The following CPLANE1 variants were observed in gnomAD, a reference collection of about 807,000 sequenced individuals.
The protein encoded by CPLANE1 is ciliogenesis and planar polarity effector 1.
In CPLANE1, 263 loss-of-function variants were observed where a neutral mutation model predicts 362.5. That is an observed-to-expected ratio of 0.73 (90% CI 0.66 to 0.80). The LOEUF is 0.80. CPLANE1 is among the 30% of genes least tolerant of loss of function. The pLI is 0.00. For missense variants in CPLANE1, 3,461 were observed against 3,793.4 expected, an observed-to-expected ratio of 0.91 and a Z score of 2.30; for synonymous variants, 1,212 against 1,302.6, an observed-to-expected ratio of 0.93 and a Z score of 1.50.
chr5:37,137,880 G>A (rs1768231513), intron 46 of CPLANE1, among the ~76,000 whole-genome samples: 1 of 151,870 alleles, frequency 6.6e-6, no homozygotes, highest in South Asian at 2.1e-4. Flanking sequence ...AGATTTGGAT[G>A]GGGACACAGC....
chr5:37,239,930 G>T, intron 6 of CPLANE1, 61 bp from the exon 7 acceptor site: 1 of 1,195,742 alleles, frequency 8.4e-7, no homozygotes, highest in Non-Finnish European at 1.1e-6. Flanking sequence ...TTTATATGTA[G>T]TTCATTACAA....
intron 29 of CPLANE1, among the ~76,000 whole-genome samples, chr5:37,178,614 GA>G (rs1209110424): frequency 1.5e-4 from 20 of 132,952 alleles, no homozygotes; most frequent in Admixed American, 3.1e-4. Flanking sequence ...CCCTCATCTC[GA>G]AAAAAAAAAA....
chr5:37,247,862 A>G (rs1740290444), intron 1 of CPLANE1, 117 bp from the exon 2 acceptor site: 1 of 660,526 alleles, frequency 1.5e-6, no homozygotes, highest in Non-Finnish European at 2.3e-6. Flanking sequence ...CAGTGATATG[A>G]TCTCAGCTCA....
chr5:37,142,236 C>T, intron 44 of CPLANE1, 74 bp downstream of exon 44: 2 of 1,368,580 alleles, frequency 1.5e-6, no homozygotes, highest in Admixed American at 2.9e-5. Flanking sequence ...TAACTATATT[C>T]CCAGTAAATC....
At chr5:37,224,986 C>T (rs761444658) in intron 12 of CPLANE1, among the ~76,000 whole-genome samples, 54 of 146,622 alleles carry the variant, frequency 3.7e-4, no homozygotes, top group Admixed American at 8.2e-4. Flanking sequence ...GGTCTCACTA[C>T]GTTGCCCAGA....
chr5:37,207,436 C>A (rs567316995), intron 16 of CPLANE1, among the ~76,000 whole-genome samples: 2 of 152,170 alleles, frequency 1.3e-5, no homozygotes. Context: ...TTATTCACTA[C>A]GAGCAAGGTA....
At chr5:37,184,698 G>T in intron 25 of CPLANE1, 90 bp downstream of exon 25, 1 of 1,075,302 alleles carries the variant, frequency 9.3e-7, no homozygotes, top group Non-Finnish European at 1.4e-6. Flanking sequence ...ATCAGTGAGG[G>T]TTGCTGGGAC....
Position 37,148,287 on chromosome 5 carries a change from C to A in CPLANE1, c.8374-19G>T, listed in dbSNP as rs567800663. Reference sequence around the variant, plus strand: ...GTCCAATCTGTAGAAAAAACACACACAACAAAACAACAGTAATACTTTGAT... The same window carrying A: ...GTCCAATCTGTAGAAAAAACACACAAAACAAAACAACAGTAATACTTTGAT... On this transcript the variant is annotated intron_variant, in intron 42 of 52. Transcript: ENST00000651892. The A allele has an allele frequency of 8.1e-6, 12 of 1,489,472 alleles. No individual in the cohort carries two copies. The highest frequency in any genetic ancestry group is 5.9e-5 in the South Asian group (5 of 84,754). 92.3% of individuals were successfully genotyped at this position (1,489,472 alleles called of 1,614,324 possible).
chr5:37,132,337 G>GTTTTTTTTTTTTTTTTTTTT (rs70976278), intron 46 of CPLANE1, among the ~76,000 whole-genome samples: 1 of 77,776 alleles, frequency 1.3e-5, no homozygotes, highest in Admixed American at 1.8e-4. Context: ...GATTGTTCAA[G>GTTTTTTTTTTTTTTTTTTTT]TTTTTTTTTT....
intron 47 of CPLANE1, among the ~76,000 whole-genome samples, chr5:37,124,719 AT>A (rs541635159): frequency 2.7e-4 from 40 of 147,772 alleles, no homozygotes; most frequent in Middle Eastern, 3.5e-3. Flanking sequence ...CACCTGGCTA[AT>A]TTTTTTTTTT....
chr5:37,114,168 A>G (rs187100615), intron 51 of CPLANE1, among the ~76,000 whole-genome samples: 9 of 152,280 alleles, frequency 5.9e-5, no homozygotes, highest in East Asian at 1.9e-4. Context: ...TTTTCTTTCA[A>G]TGGGGATAAC....
rs1394652636 is a variant in CPLANE1, at chr5:37,183,304, T to C, written c.4877A>G (p.Tyr1626Cys). ...TAAAGAGGATGATTTTTCTGATTCA[T>C]AGGACTCAGGAGCAACAACAAAGCA... ...GSCFVVAPES[Y>C]ESEKSSSLND... is the part of the protein sequence containing the mutation. Residue 1626 changes from tyrosine to cysteine, a missense_variant, in exon 26 of 53, where the codon TAT becomes TGT. By Grantham distance (194) the Tyr-to-Cys change is radical. Transcript: ENST00000651892. The C allele has an allele frequency of 5.0e-6, 8 of 1,613,296 alleles. No individual in the cohort carries two copies. The highest frequency in any genetic ancestry group is 1.1e-5 in the South Asian group (1 of 90,850).
intron 14 of CPLANE1, among the ~76,000 whole-genome samples, chr5:37,223,559 A>T (rs1232763272): frequency 6.6e-6 from 1 of 152,222 alleles, no homozygotes; most frequent in African/African-American, 2.4e-5. Context: ...ACCACGTAGG[A>T]GTTGCAGTCA....
At chr5:37,108,504 G>T in intron 51 of CPLANE1, 33 bp from the exon 52 acceptor site, 1 of 1,553,712 alleles carries the variant, frequency 6.4e-7, no homozygotes, top group Non-Finnish European at 8.7e-7. Context: ...CACACATTGG[G>T]ATTGATTCAT....
chr5:37,106,039 T>C (rs1463119646), downstream of CPLANE1, among the ~76,000 whole-genome samples: 1 of 152,116 alleles, frequency 6.6e-6, no homozygotes, highest in African/African-American at 2.4e-5. Context: ...CAGCAAAAGA[T>C]GGAAAATAAA....
intron 51 of CPLANE1, among the ~76,000 whole-genome samples, chr5:37,113,881 C>T (rs1016897061): frequency 1.3e-5 from 2 of 152,114 alleles, no homozygotes; most frequent in African/African-American, 2.4e-5. Flanking sequence ...GGTGCAATTT[C>T]GGCTCACTGC....
chr5:37,155,116 T>C (rs1039389157), intron 41 of CPLANE1, among the ~76,000 whole-genome samples: 1 of 152,222 alleles, frequency 6.6e-6, no homozygotes, highest in Non-Finnish European at 1.5e-5. Flanking sequence ...ATCTGTAATT[T>C]ATCTCTAGCC....
In CPLANE1 at chr5:37,157,434, A is replaced by G. The variant is rs1775442305; in HGVS notation, c.8012-14T>C. 4.0e-6 allele frequency: 6 copies of G among 1,492,208 alleles called. No individual in the cohort carries two copies. The highest frequency in any genetic ancestry group is 1.8e-4 in the Middle Eastern group (1 of 5,626). 92.4% of individuals were successfully genotyped at this position (1,492,208 alleles called of 1,614,324 possible). On this transcript the variant is annotated splice_polypyrimidine_tract_variant and intron_variant, in intron 40 of 52. Transcript: ENST00000651892. Reference sequence around the variant, plus strand: ...CTGGAGTTACTTCTGCAGGTTTAGAAAATAAATCCATAGAGGAATTGGCTG... The same window carrying G: ...CTGGAGTTACTTCTGCAGGTTTAGAGAATAAATCCATAGAGGAATTGGCTG...
chr5:37,173,787 T>A lies in CPLANE1; in HGVS notation c.6139A>T (p.Met2047Leu). 1 of 1,614,148 alleles carries A rather than the reference T, an allele frequency of 6.2e-7. No homozygotes were observed. Among genetic ancestry groups the A allele is most frequent in the Non-Finnish European group, 8.5e-7 (1 of 1,180,006 alleles). Residue 2047 changes from methionine (M) to leucine (L), a missense_variant, in exon 32 of 53, where the codon ATG (methionine) becomes TTG (leucine). Around this residue, in one of 2 missense-constraint regions of CPLANE1, gnomAD observed 3,380 missense variants for 3,666.1 expected, o/e 0.92. Transcript: ENST00000651892. ...AATTTAAACATTTCATCTTGCAGCA[T>A]CTGCCTAACGGACTCCGAACAATCT... ...LPDCSESVRQ[M>L]LQDEMFKLVQ...
Sources: allele counts gnomAD v4.1 joint callset (sites outside exome capture counted in the v4.1 genomes callset), GRCh38; gene constraint gnomAD v4.1.1; regional missense constraint gnomAD v4.1.1; transcripts MANE v1.5; gene names NCBI Gene and HGNC (gene_info 2026-07-23, HGNC 2026-07-21).